Variants in TBC1D32 observed in about 807,000 individuals in gnomAD.
The protein encoded by TBC1D32 is protein broad-minded.
In TBC1D32, 151 loss-of-function variants were observed where a neutral mutation model predicts 170.3. The ratio of observed to expected loss-of-function variants is 0.89; its 90% CI spans 0.78 to 1.01. The LOEUF is 1.01. TBC1D32 is among the 50% of genes least tolerant of loss of function. The pLI is 0.00. For synonymous variants in TBC1D32, 498 were observed against 488.0 expected, an observed-to-expected ratio of 1.02 and a Z score of -0.27; for missense variants, 1,464 against 1,457.1, an observed-to-expected ratio of 1.00 and a Z score of -0.08.
chr6:121,306,314 C>T (rs1040491525), intron 5 of TBC1D32, among the ~76,000 whole-genome samples: 1 of 152,136 alleles, frequency 6.6e-6, no homozygotes, highest in Non-Finnish European at 1.5e-5. Context: ...AGACAGTAGA[C>T]TGATTTTAAA....
chr6:121,149,287 T>C (rs529046378), intron 24 of TBC1D32, among the ~76,000 whole-genome samples: 1 of 152,286 alleles, frequency 6.6e-6, no homozygotes, highest in South Asian at 2.1e-4. Flanking sequence ...CAATTTTGGC[T>C]TTTGCTGGAA....
intron 22 of TBC1D32, among the ~76,000 whole-genome samples, chr6:121,199,521 C>T (rs1003631805): frequency 6.6e-6 from 1 of 151,102 alleles, no homozygotes; most frequent in Non-Finnish European, 1.5e-5. Context: ...TCTATGTAAA[C>T]AAGAATTGTT....
chr6:121,086,146 T>A (rs1776253685), intron 31 of TBC1D32, among the ~76,000 whole-genome samples: 1 of 152,084 alleles, frequency 6.6e-6, no homozygotes, highest in South Asian at 2.1e-4. Context: ...AACCGCTAAG[T>A]TTTTTTAAGT....
chr6:121,326,716 A>T (rs1257145125), intron 1 of TBC1D32, among the ~76,000 whole-genome samples: 3 of 152,044 alleles, frequency 2.0e-5, no homozygotes, highest in Non-Finnish European at 2.9e-5. Context: ...CAAGGACCCC[A>T]GGGTTAAATC....
chr6:121,113,610 G>C (rs181175048), intron 27 of TBC1D32, among the ~76,000 whole-genome samples: 1 of 152,202 alleles, frequency 6.6e-6, no homozygotes, highest in Admixed American at 6.5e-5. Flanking sequence ...TGACTAGGGG[G>C]CACTACTGGT....
chr6:121,255,846 G>T (rs996224925), intron 16 of TBC1D32, among the ~76,000 whole-genome samples: 3 of 152,006 alleles, frequency 2.0e-5, no homozygotes, highest in Non-Finnish European at 4.4e-5. Flanking sequence ...CCTCATCTAC[G>T]AGAAGAAAAG....
intron 24 of TBC1D32, among the ~76,000 whole-genome samples, chr6:121,144,492 C>G (rs565190033): frequency 6.6e-6 from 1 of 151,930 alleles, no homozygotes; most frequent in Non-Finnish European, 1.5e-5. Flanking sequence ...AAGACAGAGA[C>G]GAGTGCATGA....
chr6:121,186,973 C>G (rs1033022878), intron 22 of TBC1D32, among the ~76,000 whole-genome samples: 1 of 151,856 alleles, frequency 6.6e-6, no homozygotes, highest in Non-Finnish European at 1.5e-5. Flanking sequence ...CTTGTAACTA[C>G]TAGATATTAG....
intron 22 of TBC1D32, among the ~76,000 whole-genome samples, chr6:121,182,485 C>T (rs1346764158): frequency 1.3e-5 from 2 of 151,882 alleles, no homozygotes; most frequent in East Asian, 3.9e-4. Context: ...CAGCTAAATG[C>T]CATTTGGTAC....
chr6:121,334,593 C>T (rs1420700731), upstream of TBC1D32: 7 of 783,804 alleles, frequency 8.9e-6, no homozygotes, highest in African/African-American at 8.8e-5. Flanking sequence ...GCCAGTGCGT[C>T]ATTTCGGAAA....
intron 24 of TBC1D32, among the ~76,000 whole-genome samples, chr6:121,132,166 A>G (rs879798210): frequency 1.3e-5 from 2 of 152,002 alleles, no homozygotes; most frequent in Non-Finnish European, 2.9e-5. Flanking sequence ...AAGCAAAAAG[A>G]AAGCATAAGT....
chr6:121,202,279 G>GAAAAAAAAAA (rs59539189), intron 22 of TBC1D32, among the ~76,000 whole-genome samples: 11 of 113,746 alleles, frequency 9.7e-5, no homozygotes, highest in Middle Eastern at 4.8e-3. Flanking sequence ...ACTAGAGAAT[G>GAAAAAAAAAA]AAAAAAAAAA....
intron 22 of TBC1D32, chr6:121,192,442 A>G (rs908767389): frequency 2.0e-5 from 3 of 152,178 alleles, no homozygotes; most frequent in Non-Finnish European, 4.4e-5. Context: ...TTCAGTGGAC[A>G]AAGTAATGAA....
chr6:121,173,894 C>T (rs1313384148), intron 22 of TBC1D32, among the ~76,000 whole-genome samples: 7 of 144,362 alleles, frequency 4.8e-5, no homozygotes, highest in Admixed American at 4.4e-4. Context: ...AAAAGAAGTA[C>T]CATACAAAGG....
intron 9 of TBC1D32, among the ~76,000 whole-genome samples, chr6:121,303,080 G>A (rs1199942365): frequency 6.6e-6 from 1 of 152,126 alleles, no homozygotes; most frequent in Non-Finnish European, 1.5e-5. Flanking sequence ...CAGAGGTTGA[G>A]GGAGGTAACA....
At chr6:121,088,847 A>G (rs1177478656) in intron 31 of TBC1D32, among the ~76,000 whole-genome samples, 1 of 152,196 alleles carries the variant, frequency 6.6e-6, no homozygotes, top group Non-Finnish European at 1.5e-5. Context: ...ACAGAGGCTT[A>G]GGTCATAATC....
rs548405510 is a variant in TBC1D32 at position 121,126,279 on chromosome 6, G to A, written c.2983+99C>T. On this transcript the variant is annotated intron_variant, in intron 26 of 31. Coordinates refer to ENST00000398212, the MANE Select transcript of TBC1D32 (RefSeq NM_152730.6). ...ATGGCACCAAGTAAGAGATTGTTAG[G>A]ATGAGAAAACTGCCTATCTGTAATA... 1.5e-5 allele frequency: 12 copies of A among 819,424 alleles called. No individual in the cohort carries two copies. The East Asian group carries it at 1.5e-4, about 11-fold the overall frequency. 50.8% of individuals were successfully genotyped at this position (819,424 alleles called of 1,614,324 possible).
chr6:121,095,965 T>A (rs1777354779), intron 30 of TBC1D32: 1 of 152,176 alleles, frequency 6.6e-6, no homozygotes, highest in Non-Finnish European at 1.5e-5. Flanking sequence ...TAGGGAGGAT[T>A]CCCTCTTCTT....
intron 22 of TBC1D32, among the ~76,000 whole-genome samples, chr6:121,170,730 A>G (rs1027010882): frequency 2.0e-5 from 3 of 152,076 alleles, no homozygotes; most frequent in African/African-American, 7.2e-5. Context: ...TTAAAAGACC[A>G]TGGGTAATTT....
Sources: allele counts gnomAD v4.1 joint callset (sites outside exome capture counted in the v4.1 genomes callset), GRCh38; gene constraint gnomAD v4.1.1; transcripts MANE v1.5; gene names NCBI Gene and HGNC (gene_info 2026-07-23, HGNC 2026-07-21).